Variants in USP25 observed in about 807,000 individuals in gnomAD.
USP25 encodes ubiquitin carboxyl-terminal hydrolase 25.
USP25 carries 85 observed loss-of-function variants against 158.5 expected under a neutral mutation model. The ratio of observed to expected loss-of-function variants is 0.54; its 90% CI spans 0.45 to 0.64. USP25 has a LOEUF of 0.64. USP25 is among the 30% of genes least tolerant of loss of function. USP25 has a pLI of 0.00. For synonymous variants in USP25, 464 were observed against 460.4 expected, an observed-to-expected ratio of 1.01 and a Z score of -0.10; for missense variants, 1,242 against 1,327.3, an observed-to-expected ratio of 0.94 and a Z score of 1.00.
chr21:15,795,246 TAGTC>T (rs1249407812), intron 5 of USP25, among the ~76,000 whole-genome samples: 1 of 151,576 alleles, frequency 6.6e-6, no homozygotes, highest in Non-Finnish European at 1.5e-5. Flanking sequence ...AAATAGTAGG[TAGTC>T]AGTATTTTCA....
intron 2 of USP25, among the ~76,000 whole-genome samples, chr21:15,763,175 G>T (rs1434027961): frequency 6.6e-6 from 1 of 152,122 alleles, no homozygotes; most frequent in Non-Finnish European, 1.5e-5. Flanking sequence ...TGATACCTTA[G>T]AGTGACAGAT....
At chr21:15,796,203 C>T (rs1425347064) in intron 5 of USP25, among the ~76,000 whole-genome samples, 1 of 151,464 alleles carries the variant, frequency 6.6e-6, no homozygotes, top group Non-Finnish European at 1.5e-5. Flanking sequence ...GGACAGTCCT[C>T]ATATGACTTT....
At chr21:15,832,450 A>G (rs1334922742) in intron 16 of USP25, among the ~76,000 whole-genome samples, 1 of 152,198 alleles carries the variant, frequency 6.6e-6, no homozygotes, top group Admixed American at 6.5e-5. Flanking sequence ...AAAAAAATGA[A>G]GTTATTTTTC....
chr21:15,855,664 CT>C (rs2039097994), intron 20 of USP25, among the ~76,000 whole-genome samples: 1 of 152,204 alleles, frequency 6.6e-6, no homozygotes, highest in Non-Finnish European at 1.5e-5. Flanking sequence ...AGTGCCACAT[CT>C]TTCAAGTCAG....
chr21:15,866,342 G>A lies in USP25; in HGVS notation c.2803G>A (p.Glu935Lys), dbSNP rs757635336. 2 of 1,601,074 alleles carry A rather than the reference G, an allele frequency of 1.2e-6. No individual in the cohort carries two copies. Among genetic ancestry groups the A allele is most frequent in the Non-Finnish European group, 1.7e-6 (2 of 1,173,826 alleles). Residue 935 changes from glutamate to lysine, a missense_variant and splice_region_variant, in exon 22 of 26, where the codon GAG becomes AAG. Glu to Lys is a moderately conservative substitution (Grantham distance 56, BLOSUM62 1). Transcript: ENST00000400183. ...KPEEVNLEEYEEWHQDYRKFR... is the reference protein window; with the variant it reads ...KPEEVNLEEYKEWHQDYRKFR... ...TGAAGAAGTAAACTTGGAGGAATAT[G>A]AGGTAATGTGCTTTCTTAGAGGTTA...
rs1460099823 is a variant in USP25 at position 15,791,659 on chromosome 21, A to G, written c.550A>G (p.Ile184Val). ...CAATACTTGTTGGTTTAGTGCTGTT[A>G]TTCAGGTAAGGATTTTTCTTTATTC... ...VGNTCWFSAV[I>V]QSLFNLLEFR... Residue 184 changes from isoleucine (I) to valine (V), a missense_variant, in exon 5 of 26, where the codon ATT becomes GTT. Physicochemically the swap from Ile to Val is conservative, Grantham distance 29. Coordinates refer to ENST00000400183, the MANE Select transcript of USP25 (RefSeq NM_001283041.3). The G allele has an allele frequency of 6.2e-7, 1 of 1,606,482 alleles. No homozygotes were observed. The highest frequency in any genetic ancestry group is 2.2e-5 in the East Asian group (1 of 44,708).
chr21:15,878,706 T>C lies in USP25; in HGVS notation c.*231T>C. 2.4e-6 allele frequency: 1 copy of C among 409,688 alleles called. No individual in the cohort carries two copies. The highest frequency in any genetic ancestry group is 4.3e-6 in the Non-Finnish European group (1 of 233,916). 25.4% of individuals were successfully genotyped at this position (409,688 alleles called of 1,614,324 possible). ...AACTGATGTATAATCACAAATCTAATTGATTTTATTATGGCAAAACTATGC... is the reference window on the plus strand; with the variant it reads ...AACTGATGTATAATCACAAATCTAACTGATTTTATTATGGCAAAACTATGC... On this transcript the variant is annotated 3_prime_UTR_variant, in exon 26 of 26. Coordinates refer to ENST00000400183, the MANE Select transcript of USP25 (RefSeq NM_001283041.3).
At position 15,853,915 on chromosome 21, in the gene USP25, T is replaced by G. The variant is rs915634354; in HGVS notation, c.2547+4043T>G. ...GGGTAGATCTTTTAACACATTTTTT[T>G]GGTTCATTCCATAGTTATTGGCATG... is the stretch of plus-strand genomic sequence containing the variant. On this transcript the variant is annotated intron_variant, in intron 20 of 25. Coordinates refer to ENST00000400183, the MANE Select transcript of USP25 (RefSeq NM_001283041.3). Among the ~76,000 whole-genome samples the G allele has an allele frequency of 2.6e-5, 4 of 152,118 alleles. No individual in the cohort carries two copies. In the South Asian group the frequency reaches 6.2e-4, roughly 24 times the overall value.
intron 3 of USP25, among the ~76,000 whole-genome samples, chr21:15,770,111 A>T (rs2034270766): frequency 6.6e-6 from 1 of 152,084 alleles, no homozygotes; most frequent in South Asian, 2.1e-4. Flanking sequence ...TGATAAATAG[A>T]TCCAATTCTA....
chr21:15,863,985 C>A (rs373134487), intron 20 of USP25, among the ~76,000 whole-genome samples: 1 of 148,514 alleles, frequency 6.7e-6, no homozygotes. Flanking sequence ...TGCAGTGAGC[C>A]GAGATCACGC....
intron 6 of USP25, among the ~76,000 whole-genome samples, chr21:15,803,478 T>C (rs2036229345): frequency 6.6e-6 from 1 of 151,792 alleles, no homozygotes; most frequent in Admixed American, 6.6e-5. Flanking sequence ...TACTTCACCA[T>C]ATCAACAGAC....
chr21:15,764,781 G>A (rs1353448704), intron 2 of USP25, among the ~76,000 whole-genome samples: 1 of 152,058 alleles, frequency 6.6e-6, no homozygotes, highest in Non-Finnish European at 1.5e-5. Flanking sequence ...GAGTCACTTA[G>A]GAATCGTCTA....
At chr21:15,824,888 C>G in intron 11 of USP25, 78 bp from the exon 12 acceptor site, 3 of 1,181,758 alleles carry the variant, frequency 2.5e-6, no homozygotes, top group East Asian at 2.5e-5. Flanking sequence ...AGTGGTAGGC[C>G]GGGTACGCTG....
intron 20 of USP25, among the ~76,000 whole-genome samples, chr21:15,857,672 A>G (rs1392931578): frequency 6.6e-6 from 1 of 151,980 alleles, no homozygotes; most frequent in Non-Finnish European, 1.5e-5. Context: ...TGTGGTTTAT[A>G]ATTTGTCTTT....
intron 7 of USP25, 53 bp from the exon 8 acceptor site, chr21:15,808,756 A>G: frequency 7.4e-7 from 1 of 1,346,544 alleles, no homozygotes; most frequent in Non-Finnish European, 1.0e-6. Context: ...TACAACATCT[A>G]GTATTTTTTT....
At chr21:15,847,973 T>C (rs1044620371) in intron 19 of USP25, among the ~76,000 whole-genome samples, 197 bp downstream of exon 19, 23 of 152,314 alleles carry the variant, frequency 1.5e-4, no homozygotes, top group South Asian at 4.1e-4. Flanking sequence ...AGAAAACTTA[T>C]GGAATTTGTC....
chr21:15,847,353 G>T (rs1300746142), intron 18 of USP25, among the ~76,000 whole-genome samples: 1 of 152,044 alleles, frequency 6.6e-6, no homozygotes, highest in Non-Finnish European at 1.5e-5. Flanking sequence ...AATGATATTG[G>T]TAATACCCAG....
chr21:15,868,186 T>C (rs1381062726), intron 22 of USP25, among the ~76,000 whole-genome samples: 1 of 152,196 alleles, frequency 6.6e-6, no homozygotes, highest in Non-Finnish European at 1.5e-5. Context: ...TAAAGCTGTT[T>C]AGAAGTCAAC....
intron 15 of USP25, among the ~76,000 whole-genome samples, chr21:15,831,099 G>A (rs924793183): frequency 6.6e-6 from 1 of 152,008 alleles, no homozygotes; most frequent in Non-Finnish European, 1.5e-5. Flanking sequence ...CCCACTATAA[G>A]CTTTTTATTC....
Sources: gnomAD v4.1 joint callset for allele counts (sites outside exome capture counted in the v4.1 genomes callset) on GRCh38, gnomAD v4.1.1 for gene constraint, MANE v1.5 for transcripts, NCBI Gene and HGNC (gene_info 2026-07-23, HGNC 2026-07-21) for gene names.